NAP1L4: variants seen among roughly 807,000 people sequenced by gnomAD.
The protein encoded by NAP1L4 is nucleosome assembly protein 1-like 4.
A neutral mutation model predicts 58.2 loss-of-function variants in NAP1L4; 15 were observed. The observed-to-expected ratio is 0.26, with a 90% CI of 0.17 to 0.40. NAP1L4 has a LOEUF of 0.40. Ranked by LOEUF, NAP1L4 falls within the 10% of genes least tolerant of loss-of-function variation. The pLI is 1.00. For synonymous variants in NAP1L4, 171 were observed against 155.6 expected, an observed-to-expected ratio of 1.10 and a Z score of -0.74; for missense variants, 384 against 451.1, an observed-to-expected ratio of 0.85 and a Z score of 1.35.
At chr11:2,966,451 C>G (rs1847284521) in intron 7 of NAP1L4, among the ~76,000 whole-genome samples, 1 of 152,174 alleles carries the variant, frequency 6.6e-6, no homozygotes, top group African/African-American at 2.4e-5. Flanking sequence ...CTCTCTCTCC[C>G]TCTTAGCCTT....
chr11:2,969,918 T>G lies in NAP1L4; in HGVS notation c.419A>C (p.Lys140Thr). ...CGCTGCTTTTTCTGTGACGACTACT[T>G]TACTTTTCATGTCTCCCTAAAAAAA... Reference protein sequence around the residue: ...EEKLAGDMKSKVVVTEKAAAT... With the variant: ...EEKLAGDMKSTVVVTEKAAAT... The change falls in exon 7 of 16, where the codon AAA becomes ACA. Residue 140 changes from lysine (K) to threonine (T), a missense_variant. Coordinates refer to ENST00000380542, the MANE Select transcript of NAP1L4 (RefSeq NM_005969.4). 1.9e-6 allele frequency: 3 copies of G among 1,613,000 alleles called. No individual in the cohort carries two copies. The highest frequency in any genetic ancestry group is 2.5e-6 in the Non-Finnish European group (3 of 1,179,420).
Position 2,958,389 on chromosome 11 carries a change from A to G in NAP1L4, c.892+10T>C, listed in dbSNP as rs780224983. The G allele has an allele frequency of 1.9e-6, 3 of 1,613,604 alleles. No individual in the cohort carries two copies. In the East Asian group the frequency reaches 6.7e-5, roughly 36 times the overall value. Reference sequence around the variant, plus strand: ...AGAACATAATGAATATTAACAACCAACAGACTTGCCTTTCAATGGATTGAA... The same window carrying G: ...AGAACATAATGAATATTAACAACCAGCAGACTTGCCTTTCAATGGATTGAA... On this transcript the variant is annotated intron_variant, in intron 10 of 15. Transcript: ENST00000380542.
intron 1 of NAP1L4, among the ~76,000 whole-genome samples, chr11:2,987,279 C>T (rs575979809): frequency 1.3e-5 from 2 of 151,900 alleles, no homozygotes; most frequent in Non-Finnish European, 2.9e-5. Context: ...TTAAACTTTC[C>T]ATGATAATGT....
At chr11:2,976,322 A>G (rs891197016) in intron 3 of NAP1L4, among the ~76,000 whole-genome samples, 199 bp from the exon 4 acceptor site, 1 of 152,246 alleles carries the variant, frequency 6.6e-6, no homozygotes, top group Non-Finnish European at 1.5e-5. Flanking sequence ...CTCTGGGTTA[A>G]TCACCTGATG....
rs1846786178 is a variant in NAP1L4, at chr11:2,960,155, C to G, written c.607-246G>C. On this transcript the variant is annotated intron_variant, in intron 8 of 15. Coordinates refer to ENST00000380542, the MANE Select transcript of NAP1L4 (RefSeq NM_005969.4). ...ATGTTCCCCCTCCAATGCCTCCTCA[C>G]CAATAGGCGTCAAGCTCTCCTAAGA... 4 of 423,928 alleles carry G rather than the reference C, an allele frequency of 9.4e-6. No individual in the cohort carries two copies. The Admixed American group carries it at 1.1e-4, about 12-fold the overall frequency. 26.3% of individuals were successfully genotyped at this position (423,928 alleles called of 1,614,324 possible).
intron 8 of NAP1L4, among the ~76,000 whole-genome samples, chr11:2,962,637 T>C (rs34318301): frequency 1.1e-4 from 17 of 152,078 alleles, no homozygotes; most frequent in Non-Finnish European, 1.8e-4. Flanking sequence ...CTGTATTTTC[T>C]ACATATGACT....
At position 2,971,532 on chromosome 11, in the gene NAP1L4, T is replaced by A. The variant is rs1258396204; in HGVS notation, c.318A>T (p.Arg106Ser). 2 of 1,612,948 alleles carry A rather than the reference T, an allele frequency of 1.2e-6. No homozygotes were observed. Among genetic ancestry groups the A allele is most frequent in the Non-Finnish European group, 1.7e-6 (2 of 1,179,742 alleles). The change falls in exon 6 of 16, where the codon AGA (arginine) becomes AGT (serine). Residue 106 changes from arginine to serine, a missense_variant and splice_region_variant. Arg to Ser is a moderately radical substitution (Grantham distance 110). Around this residue, in one of 3 missense-constraint regions of NAP1L4, gnomAD observed 296 missense variants for 360.8 expected, o/e 0.82. Coordinates refer to ENST00000380542, the MANE Select transcript of NAP1L4 (RefSeq NM_005969.4). This position sits in a 1 kb window ranked among gnomAD's most constrained non-coding sequence, Gnocchi z 4.2. ...AALYQPLFDK[R>S]REFITGDVEP... ...CAACATCGCCGGTGATAAATTCTCT[T>A]CTCTACATAAAAATGAGACCTTATT... is the stretch of plus-strand genomic sequence containing the variant.
At chr11:2,967,649 C>T (rs981169402) in intron 7 of NAP1L4, among the ~76,000 whole-genome samples, 1 of 146,846 alleles carries the variant, frequency 6.8e-6, no homozygotes, top group African/African-American at 2.5e-5. Context: ...AAAAAAAAAT[C>T]AAAATAGAAT....
At chr11:2,958,911 C>T in intron 9 of NAP1L4, 1 of 245,156 alleles carries the variant, frequency 4.1e-6, no homozygotes, top group Non-Finnish European at 8.0e-6. Flanking sequence ...CTGTTCAAAG[C>T]AGCCAACTGA....
chr11:2,989,145 A>G (rs150910577), intron 1 of NAP1L4: 4 of 152,354 alleles, frequency 2.6e-5, no homozygotes, highest in East Asian at 3.9e-4. Flanking sequence ...AGGTCCCACA[A>G]AAATTCAGCT....
intron 8 of NAP1L4, 113 bp from the exon 9 acceptor site, chr11:2,960,022 G>C (rs980801514): frequency 2.1e-5 from 24 of 1,130,386 alleles, no homozygotes; most frequent in Non-Finnish European, 1.9e-5. Context: ...TCAACAGATA[G>C]GGCCATGAAC....
At chr11:2,975,918 A>AC in intron 4 of NAP1L4, 106 bp downstream of exon 4, 1 of 988,396 alleles carries the variant, frequency 1.0e-6, no homozygotes, top group Non-Finnish European at 1.5e-6. Flanking sequence ...ATGTCTTGGA[A>AC]CGAAAAAAAC....
chr11:2,958,252 G>A (rs1313900192), intron 10 of NAP1L4, 147 bp downstream of exon 10: 2 of 825,378 alleles, frequency 2.4e-6, no homozygotes, highest in African/African-American at 3.4e-5. Flanking sequence ...CGCACCAACA[G>A]AACAGCCTGG....
At chr11:2,947,877 C>G (rs2067541236) in intron 15 of NAP1L4, among the ~76,000 whole-genome samples, 1 of 152,248 alleles carries the variant, frequency 6.6e-6, no homozygotes, top group African/African-American at 2.4e-5. Context: ...CATAGCTGCG[C>G]TGGCGAAGAA....
intron 8 of NAP1L4, among the ~76,000 whole-genome samples, chr11:2,961,844 G>C (rs1846936613): frequency 6.6e-6 from 1 of 152,144 alleles, no homozygotes; most frequent in Non-Finnish European, 1.5e-5. Context: ...CTTTTCTATA[G>C]ATAGATTCAT....
At chr11:2,952,975 C>G (rs185014455) in intron 12 of NAP1L4, among the ~76,000 whole-genome samples, 3 of 152,282 alleles carry the variant, frequency 2.0e-5, no homozygotes, top group African/African-American at 7.2e-5. Flanking sequence ...CCAACACTTA[C>G]TGAGTCATTG....
chr11:2,990,061 T>C (rs1848862694), intron 1 of NAP1L4: 1 of 152,224 alleles, frequency 6.6e-6, no homozygotes, highest in Admixed American at 6.5e-5. Flanking sequence ...CTCCAATGAC[T>C]ACTCCATATT....
chr11:2,976,937 G>A (rs552171111), intron 3 of NAP1L4, among the ~76,000 whole-genome samples: 11 of 152,108 alleles, frequency 7.2e-5, no homozygotes, highest in African/African-American at 2.4e-4. Context: ...CCCTTGCTTA[G>A]AGCCAGTACA....
chr11:2,959,027 T>A lies in NAP1L4; in HGVS notation c.747-483A>T, dbSNP rs574459691. ...CTGGCGAGGGCTGAGCACAGCACGC[T>A]CTCTCTAACACACAATCACCACAGA... On this transcript the variant is annotated intron_variant, in intron 9 of 15. Coordinates refer to ENST00000380542, the MANE Select transcript of NAP1L4 (RefSeq NM_005969.4). This position sits in a 1 kb window ranked among gnomAD's most constrained non-coding sequence, Gnocchi z 4.9. 1 of 169,912 alleles carries A rather than the reference T, an allele frequency of 5.9e-6. No homozygotes were observed. The highest frequency in any genetic ancestry group is 5.5e-5 in the Admixed American group (1 of 18,290). 10.5% of individuals were successfully genotyped at this position (169,912 alleles called of 1,614,324 possible).
Sources: gnomAD v4.1 joint callset for allele counts (sites outside exome capture counted in the v4.1 genomes callset) on GRCh38, gnomAD v4.1.1 for gene constraint, gnomAD v4.1.1 regional missense constraint, Gnocchi (gnomAD v3.1) non-coding constraint, MANE v1.5 for transcripts, NCBI Gene and HGNC (gene_info 2026-07-23, HGNC 2026-07-21) for gene names.